PIWIL2: variants seen among roughly 807,000 people sequenced by gnomAD.
PIWIL2 encodes piwi-like protein 2.
A neutral mutation model predicts 116.5 loss-of-function variants in PIWIL2; 81 were observed. That is an observed-to-expected ratio of 0.70 (90% CI 0.58 to 0.84). The LOEUF is 0.84. Among genes scored for constraint, PIWIL2 ranks in the 40% least tolerant of loss-of-function variants. The pLI is 0.00. For synonymous variants in PIWIL2, 489 were observed against 429.5 expected (o/e 1.14, Z -1.71); for missense variants, 1,272 against 1,212.3 (o/e 1.05, Z -0.73).
intron 14 of PIWIL2, 103 bp from the exon 15 acceptor site, chr8:22,309,858 A>G (rs1831282814): frequency 1.5e-6 from 1 of 648,062 alleles, no homozygotes; most frequent in South Asian, 2.1e-5. Context: ...AACAGGGACA[A>G]GTGTCTGTGG....
chr8:22,287,435 G>A, intron 6 of PIWIL2, 93 bp from the exon 7 acceptor site: 2 of 808,766 alleles, frequency 2.5e-6, no homozygotes, highest in Non-Finnish European at 4.5e-6. Flanking sequence ...AGATGGAGCA[G>A]CAGTTACTGG....
At chr8:22,284,835 A>T (rs1438163514) in intron 6 of PIWIL2, among the ~76,000 whole-genome samples, 1 of 152,158 alleles carries the variant, frequency 6.6e-6, no homozygotes, top group Non-Finnish European at 1.5e-5. Flanking sequence ...AATAGTTTAT[A>T]TTAGTTTGTG....
Position 22,357,318 on chromosome 8 carries a change from A to G in PIWIL2, c.*1813A>G, listed in dbSNP as rs1457840828. ...CTGGAATTTAAAAACCACAGAATCA[A>G]ACACTGTGAACCACTGGTCTCTGGC... On this transcript the variant is annotated 3_prime_UTR_variant, in exon 23 of 23. Coordinates refer to ENST00000356766, the MANE Select transcript of PIWIL2 (RefSeq NM_018068.5). 6.6e-6 allele frequency: 1 copy of G among 152,176 alleles called. No individual in the cohort carries two copies. The highest frequency in any genetic ancestry group is 1.5e-5 in the Non-Finnish European group (1 of 68,040). The allele number at this position is 152,176 out of a possible 1,614,324, so 9.4% of individuals were successfully genotyped here. A position where few individuals can be genotyped will look rare whatever the true frequency, so the allele number is the denominator to read the frequency against.
intron 20 of PIWIL2, among the ~76,000 whole-genome samples, chr8:22,344,590 A>G (rs1404483836): frequency 1.3e-5 from 2 of 152,208 alleles, no homozygotes; most frequent in Admixed American, 6.5e-5. Context: ...AAAAGAGGCC[A>G]GGTATGATGG....
At chr8:22,321,853 A>G in intron 20 of PIWIL2, 1 of 984,986 alleles carries the variant, frequency 1.0e-6, no homozygotes, top group Non-Finnish European at 1.2e-6. Flanking sequence ...TAGGAATGGC[A>G]GTAACCACCG....
At chr8:22,309,088 A>G (rs1831261381) in intron 14 of PIWIL2, among the ~76,000 whole-genome samples, 1 of 151,828 alleles carries the variant, frequency 6.6e-6, no homozygotes, top group South Asian at 2.1e-4. Flanking sequence ...CAGCTTCCCA[A>G]GTAGCTGGGA....
chr8:22,305,032 T>C (rs1290999861), intron 12 of PIWIL2, among the ~76,000 whole-genome samples, 164 bp downstream of exon 12: 1 of 152,110 alleles, frequency 6.6e-6, no homozygotes, highest in African/African-American at 2.4e-5. Context: ...GAGGCACCAC[T>C]CACACTGGTA....
intron 10 of PIWIL2, among the ~76,000 whole-genome samples, chr8:22,303,656 A>G (rs1233821425): frequency 3.9e-5 from 6 of 152,146 alleles, no homozygotes; most frequent in African/African-American, 1.2e-4. Context: ...AGCCTCTCGA[A>G]TAGCTGGGAC....
intron 10 of PIWIL2, among the ~76,000 whole-genome samples, chr8:22,290,677 C>G (rs1056571845): frequency 1.7e-5 from 2 of 114,786 alleles, no homozygotes; most frequent in Non-Finnish European, 3.3e-5. Context: ...TGCTATGTTT[C>G]CTGGCTTCAA....
intron 14 of PIWIL2, among the ~76,000 whole-genome samples, chr8:22,309,564 C>T (rs1467631816): frequency 6.6e-6 from 1 of 152,144 alleles, no homozygotes; most frequent in Admixed American, 6.6e-5. Context: ...GTGTCAAACT[C>T]CTGACCTCAA....
intron 20 of PIWIL2, among the ~76,000 whole-genome samples, chr8:22,319,755 A>G (rs894343903): frequency 1.3e-5 from 2 of 152,164 alleles, no homozygotes. Context: ...CAAAGCCTGA[A>G]TGTTCCACAA....
chr8:22,339,775 C>A (rs1426697377), intron 20 of PIWIL2, among the ~76,000 whole-genome samples: 1 of 152,140 alleles, frequency 6.6e-6, no homozygotes, highest in Non-Finnish European at 1.5e-5. Context: ...TCTTACAACT[C>A]AAGAAAAACA....
chr8:22,350,698 G>A (rs1003129828), intron 20 of PIWIL2, among the ~76,000 whole-genome samples: 4 of 151,972 alleles, frequency 2.6e-5, no homozygotes, highest in Non-Finnish European at 5.9e-5. Flanking sequence ...AGGAAAAGGG[G>A]TCATTAATAT....
rs749208086 is a variant in PIWIL2 at position 22,281,174 on chromosome 8, A to G, written c.253A>G (p.Lys85Glu). ...AGGCCTGGGCATTGAAACAGTTTCT[A>G]AGACCCCTCTGAAACGGGAAATGCT... ...FRGLGIETVS[K>E]TPLKREMLPS... is the part of the protein sequence containing the mutation. The change falls in exon 3 of 23, where the codon AAG becomes GAG. Residue 85 changes from lysine to glutamate, a missense_variant. Lys to Glu is a moderately conservative substitution (Grantham distance 56, BLOSUM62 1). Coordinates refer to ENST00000356766, the MANE Select transcript of PIWIL2 (RefSeq NM_018068.5). 10 of 1,612,724 alleles carry G rather than the reference A, an allele frequency of 6.2e-6. No individual in the cohort carries two copies. The South Asian group carries it at 9.9e-5, about 16-fold the overall frequency.
At chr8:22,333,898 A>G (rs1831919355) in intron 20 of PIWIL2, among the ~76,000 whole-genome samples, 1 of 151,938 alleles carries the variant, frequency 6.6e-6, no homozygotes, top group Non-Finnish European at 1.5e-5. Context: ...GAGGCAGATG[A>G]TTAGTGGTTT....
chr8:22,339,684 T>G (rs1018512649), intron 20 of PIWIL2, among the ~76,000 whole-genome samples: 3 of 152,096 alleles, frequency 2.0e-5, no homozygotes, highest in Non-Finnish European at 2.9e-5. Context: ...TTAAGAAAGT[T>G]AAAAGACAAC....
At position 22,349,417 on chromosome 8, in the gene PIWIL2, G is replaced by GTATATATATATATATATA. The variant is rs1431825878; in HGVS notation, c.2404-3541_2404-3540insATATATATATATATATAT. Reference sequence around the variant, plus strand: ...ACTTTTGTGTACAATATATGTGTGTGTGTATATATATATATATATATATAT... The same window carrying GTATATATATATATATATA: ...ACTTTTGTGTACAATATATGTGTGTGTATATATATATATATATATGTATATATATATATATATATATAT... On this transcript the variant is annotated intron_variant, in intron 20 of 22. Coordinates refer to ENST00000356766, the MANE Select transcript of PIWIL2 (RefSeq NM_018068.5). Among the ~76,000 whole-genome samples, 35 of 134,584 alleles carry GTATATATATATATATATA rather than the reference G, an allele frequency of 2.6e-4. 1 individual carries two copies. The highest frequency in any genetic ancestry group is 4.3e-4 in the Non-Finnish European group (27 of 63,332). 88.3% of individuals were successfully genotyped at this position (134,584 alleles called of 152,430 possible). A position where few individuals can be genotyped will look rare whatever the true frequency, so the allele number is the denominator to read the frequency against.
chr8:22,282,473 C>A (rs185798523), intron 4 of PIWIL2, among the ~76,000 whole-genome samples: 1 of 152,070 alleles, frequency 6.6e-6, no homozygotes, highest in African/African-American at 2.4e-5. Flanking sequence ...TAGGCGTGAG[C>A]CCCTGCACGC....
chr8:22,333,775 G>T (rs892260516), intron 20 of PIWIL2, among the ~76,000 whole-genome samples: 1 of 151,952 alleles, frequency 6.6e-6, no homozygotes, highest in Non-Finnish European at 1.5e-5. Flanking sequence ...GTTTCTTTGT[G>T]AGGTGATGAA....
Sources: gnomAD v4.1 joint callset for allele counts (sites outside exome capture counted in the v4.1 genomes callset) on GRCh38, gnomAD v4.1.1 for gene constraint, MANE v1.5 for transcripts, NCBI Gene and HGNC (gene_info 2026-07-23, HGNC 2026-07-21) for gene names.